Variants in ADGRL3 observed in about 807,000 individuals in gnomAD.
ADGRL3 encodes adhesion G protein-coupled receptor L3.
In ADGRL3, 62 loss-of-function variants were observed where a neutral mutation model predicts 153.5. That is an observed-to-expected ratio of 0.40 (90% CI 0.33 to 0.50). The LOEUF (loss-of-function observed/expected upper bound fraction) is 0.50. ADGRL3 is among the 20% of genes least tolerant of loss of function. The pLI is 0.47. For synonymous variants in ADGRL3, 710 were observed against 672.5 expected (o/e 1.06, Z -0.86); for missense variants, 1,641 against 1,859.4 (o/e 0.88, Z 2.16).
intron 1 of ADGRL3, among the ~76,000 whole-genome samples, chr4:61,214,716 G>C (rs769037557): frequency 9.2e-5 from 14 of 152,104 alleles, no homozygotes; most frequent in Non-Finnish European, 1.9e-4. Context: ...CAGGAGAATC[G>C]CTTGAACCCA....
rs143506577 is a variant in ADGRL3 at position 61,714,998 on chromosome 4, T to A, written c.584-15624T>A. Among the ~76,000 whole-genome samples, 1,373 of 152,244 alleles carry A rather than the reference T, an allele frequency of 9.0e-3. 30 individuals carry two copies. The highest frequency in any genetic ancestry group is 0.031 in the African/African-American group (1,304 of 41,540). ...TAGGCATCATCAATCAATAAGTATT[T>A]CAAGTATTTAATTATTTAGTATTAT... On this transcript the variant is annotated intron_variant, in intron 6 of 26. Transcript: ENST00000683033.
At chr4:61,715,663 T>TA (rs554969199) in intron 6 of ADGRL3, among the ~76,000 whole-genome samples, 7 of 151,898 alleles carry the variant, frequency 4.6e-5, no homozygotes, top group African/African-American at 1.4e-4. Flanking sequence ...TTGTGGTAGT[T>TA]AAAAAAAAGA....
intron 23 of ADGRL3, 47 bp from the exon 24 acceptor site, chr4:62,037,684 C>T (rs887930451): frequency 1.2e-5 from 19 of 1,608,014 alleles, no homozygotes; most frequent in Non-Finnish European, 1.6e-5. Flanking sequence ...TTTGTTCCTA[C>T]CTGCAATGAA....
intron 19 of ADGRL3, among the ~76,000 whole-genome samples, chr4:61,990,053 T>TA (rs1270723655): frequency 6.6e-6 from 1 of 151,890 alleles, no homozygotes; most frequent in Non-Finnish European, 1.5e-5. Context: ...TTATAAAAAA[T>TA]AAAAATAAAA....
At chr4:61,294,720 G>T (rs766790840) in intron 1 of ADGRL3, among the ~76,000 whole-genome samples, 16 of 152,024 alleles carry the variant, frequency 1.1e-4, no homozygotes, top group Non-Finnish European at 2.2e-4. Context: ...CCTTTGATTA[G>T]AGGCATCTTA....
intron 4 of ADGRL3, among the ~76,000 whole-genome samples, chr4:61,520,055 A>G (rs1560774376): frequency 1.3e-5 from 2 of 152,158 alleles, no homozygotes; most frequent in Non-Finnish European, 2.9e-5. Flanking sequence ...CCCCCCTTTG[A>G]ATTCATTTGA....
rs72638568 is a variant in ADGRL3, at chr4:61,737,227, G to A, written c.1399+3673G>A. Among the ~76,000 whole-genome samples, 629 of 152,120 alleles carry A rather than the reference G, an allele frequency of 4.1e-3. 1 individual carries two copies. Among genetic ancestry groups the A allele is most frequent in the Non-Finnish European group, 6.4e-3 (432 of 67,976 alleles). ...TCTGTAGACCCAAAGTGTATTTGTC[G>A]TTACCATCTGTTGGTAGCAGGCTGA... On this transcript the variant is annotated intron_variant, in intron 8 of 26. Coordinates refer to ENST00000683033, the MANE Select transcript of ADGRL3 (RefSeq NM_001387552.1).
chr4:61,718,066 AAATAC>A (rs1358240245), intron 6 of ADGRL3, among the ~76,000 whole-genome samples: 3 of 152,184 alleles, frequency 2.0e-5, no homozygotes, highest in African/African-American at 7.2e-5. Flanking sequence ...AAATAAAATA[AAATAC>A]AATACAATAA....
chr4:61,333,555 AAACC>A, intron 1 of ADGRL3, among the ~76,000 whole-genome samples: 1 of 152,144 alleles, frequency 6.6e-6, no homozygotes, highest in East Asian at 1.9e-4. Flanking sequence ...TAGTATTACC[AAACC>A]CTTTATAATA....
At chr4:61,646,542 G>T (rs1383931630) in intron 5 of ADGRL3, among the ~76,000 whole-genome samples, 1 of 150,788 alleles carries the variant, frequency 6.6e-6, no homozygotes, top group Non-Finnish European at 1.5e-5. Flanking sequence ...GGCCCTGTGA[G>T]GTGTCAGTCT....
chr4:62,004,525 A>G (rs2099151238), intron 21 of ADGRL3, among the ~76,000 whole-genome samples: 1 of 151,950 alleles, frequency 6.6e-6, no homozygotes, highest in African/African-American at 2.4e-5. Context: ...TTGTCTATGC[A>G]AACAAAAATA....
intron 25 of ADGRL3, among the ~76,000 whole-genome samples, chr4:62,057,410 C>T (rs956816641): frequency 6.6e-6 from 1 of 152,060 alleles, no homozygotes; most frequent in Non-Finnish European, 1.5e-5. Context: ...CACTCATTCA[C>T]AATTTTTGTA....
At chr4:61,522,833 T>C (rs559829205) in intron 4 of ADGRL3, among the ~76,000 whole-genome samples, 1 of 152,174 alleles carries the variant, frequency 6.6e-6, no homozygotes, top group East Asian at 1.9e-4. Context: ...GGAGGTTGCG[T>C]CAATTTACCA....
intron 4 of ADGRL3, among the ~76,000 whole-genome samples, chr4:61,562,657 C>T (rs549037989): frequency 6.6e-6 from 1 of 152,268 alleles, no homozygotes. Context: ...AGCTCAGTCA[C>T]ATCTTCAGGC....
At position 62,070,692 on chromosome 4, in the gene ADGRL3, C is replaced by T. The variant is rs1490291558; in HGVS notation, c.4416C>T (p.Thr1472=). The change falls in exon 27 of 27, where the codon ACC becomes ACT. Residue 1472 remains threonine (T), a synonymous_variant. Coordinates refer to ENST00000683033, the MANE Select transcript of ADGRL3 (RefSeq NM_001387552.1). The stretch of plus-strand genomic sequence containing the variant: ...CCACAGAGAGTGTTACCACCAGCAC[C>T]CAGACCGAACCCCCACCGGCCAAAT... ...VAATESVTTS[T]QTEPPPAKCG... is the part of the protein sequence containing the mutation. 1 of 1,551,594 alleles carries T rather than the reference C, an allele frequency of 6.4e-7. No individual in the cohort carries two copies. Among genetic ancestry groups the T allele is most frequent in the East Asian group, 2.4e-5 (1 of 40,906 alleles).
chr4:61,712,112 G>A (rs1347577837), intron 6 of ADGRL3, among the ~76,000 whole-genome samples: 1 of 152,110 alleles, frequency 6.6e-6, no homozygotes. Context: ...GGAAGTTTTG[G>A]TCCGGGTTTG....
intron 8 of ADGRL3, among the ~76,000 whole-genome samples, chr4:61,745,215 G>C (rs191905129): frequency 8.7e-4 from 132 of 152,316 alleles, no homozygotes; most frequent in Admixed American, 1.1e-3. Context: ...TATGTGAAAA[G>C]ACCAAATCTA....
chr4:61,789,298 T>TAC (rs1308987890), intron 8 of ADGRL3, among the ~76,000 whole-genome samples: 2 of 152,158 alleles, frequency 1.3e-5, no homozygotes, highest in Admixed American at 6.5e-5. Context: ...TGTGTGTGTG[T>TAC]ACACACACAT....
intron 21 of ADGRL3, among the ~76,000 whole-genome samples, chr4:62,007,346 G>GA (rs2099162763): frequency 2.3e-5 from 1 of 43,280 alleles, no homozygotes; most frequent in Non-Finnish European, 4.7e-5. Context: ...AGGGCAAGAG[G>GA]ACAAAATGAT....
Sources: allele counts gnomAD v4.1 joint callset (sites outside exome capture counted in the v4.1 genomes callset), GRCh38; gene constraint gnomAD v4.1.1; transcripts MANE v1.5; gene names NCBI Gene and HGNC (gene_info 2026-07-23, HGNC 2026-07-21).